TNRC6C: variants seen among roughly 807,000 people sequenced by gnomAD.
TNRC6C encodes the protein trinucleotide repeat containing adaptor 6C, also known as trinucleotide repeat-containing gene 6C protein.
In TNRC6C, 20 loss-of-function variants were observed where a neutral mutation model predicts 153.7. The ratio of observed to expected loss-of-function variants is 0.13; its 90% CI spans 0.09 to 0.19. The LOEUF (loss-of-function observed/expected upper bound fraction) is 0.19, where lower values mean the gene tolerates loss of function less well. TNRC6C is among the 10% of genes least tolerant of loss of function. TNRC6C has a pLI of 1.00. For missense variants in TNRC6C, 1,987 were observed against 2,172.0 expected (o/e 0.91, Z 1.69); for synonymous variants, 811 against 841.4 (o/e 0.96, Z 0.63).
At chr17:78,065,056 C>G (rs1567947344) in intron 4 of TNRC6C, 119 bp downstream of exon 6, 2 of 1,226,008 alleles carry the variant, frequency 1.6e-6, no homozygotes, top group Non-Finnish European at 2.3e-6. Context: ...TAACTACAAA[C>G]CAAGAGTCTT....
At chr17:78,077,197 G>A (rs775091296) in exon 9 of TNRC6C, 69 of 1,601,752 alleles carry the variant, frequency 4.3e-5, no homozygotes, top group Non-Finnish European at 5.1e-5. Context: ...TGGCGGCCTC[G>A]TGGAAGAGCC....
exon 3 of TNRC6C, chr17:78,048,915 C>T (rs533019689): frequency 1.1e-4 from 138 of 1,267,144 alleles, no homozygotes; most frequent in East Asian, 3.0e-4. Flanking sequence ...CTTACAGAAG[C>T]GAAGCCAACT....
chr17:77,984,612 AG>A (rs1482592361), intron 1 of TNRC6C, among the ~76,000 whole-genome samples: 1 of 152,224 alleles, frequency 6.6e-6, no homozygotes, highest in Non-Finnish European at 1.5e-5. Context: ...GAGCCCTGGC[AG>A]TGCTCACCTC....
At chr17:78,073,000 T>C (rs567885672) in intron 6 of TNRC6C, 37 bp from the exon 9 acceptor site, 10 of 1,469,272 alleles carry the variant, frequency 6.8e-6, no homozygotes, top group Non-Finnish European at 9.3e-6. Context: ...TTTTGTTAAT[T>C]AATGTGCACT....
intron 1 of TNRC6C, among the ~76,000 whole-genome samples, chr17:77,965,891 T>C (rs1490540364): frequency 3.3e-5 from 5 of 152,226 alleles, no homozygotes; most frequent in African/African-American, 9.7e-5. Flanking sequence ...CCCAAACTTA[T>C]GTGGCCATTG....
chr17:78,050,607 C>A, exon 3 of TNRC6C: 1 of 1,581,306 alleles, frequency 6.3e-7, no homozygotes, highest in Non-Finnish European at 8.6e-7. Context: ...CGCCACCTGC[C>A]GCTGTGCCAG....
At chr17:77,993,521 C>T (rs894645649) in intron 1 of TNRC6C, among the ~76,000 whole-genome samples, 1 of 152,184 alleles carries the variant, frequency 6.6e-6, no homozygotes, top group Non-Finnish European at 1.5e-5. Context: ...AAGTATGGGA[C>T]TATGCAGCTC....
At chr17:78,015,382 G>A (rs1192331112) in intron 1 of TNRC6C, among the ~76,000 whole-genome samples, 1 of 152,166 alleles carries the variant, frequency 6.6e-6, no homozygotes, top group African/African-American at 2.4e-5. Flanking sequence ...GTGTTAAAAT[G>A]TGTGGGTTAA....
chr17:78,104,686 G>A lies in TNRC6C; in HGVS notation c.4914G>A (p.Leu1638=). The stretch of plus-strand genomic sequence containing the variant: ...CTGGCCACTGGAACGCCCCGTGCCT[G>A]GGTGGCAAGGGGAGCAGTGAGCTGC... The change falls in exon 20 of 20, where the codon CTG becomes CTA. Residue 1638 remains leucine (L), a synonymous_variant. Coordinates refer to ENST00000301624, the Ensembl canonical transcript of TNRC6C. The surrounding 1 kb of genome is among the most constrained non-coding windows in gnomAD (Gnocchi z 6.2). 9.7e-6 allele frequency: 15 copies of A among 1,541,404 alleles called. No individual in the cohort carries two copies. The highest frequency in any genetic ancestry group is 1.3e-5 in the Non-Finnish European group (15 of 1,146,132).
In TNRC6C at chr17:78,075,132, C is replaced by G; in HGVS notation, c.2918-4C>G. 2.5e-6 allele frequency: 4 copies of G among 1,613,138 alleles called. No individual in the cohort carries two copies. The highest frequency in any genetic ancestry group is 3.4e-6 in the Non-Finnish European group (4 of 1,179,536). On this transcript the variant is annotated splice_region_variant and splice_polypyrimidine_tract_variant and intron_variant, in intron 7 of 19. Transcript: ENST00000301624. This position sits in a 1 kb window ranked among gnomAD's most constrained non-coding sequence, Gnocchi z 4.2. ...CAACATTGCTTCTGTTTGTTGTGCT[C>G]CAGGCGCTCTGCTGGAAAAGAAGGT...
intron 1 of TNRC6C, among the ~76,000 whole-genome samples, chr17:78,022,609 A>G (rs1231811663): frequency 6.6e-6 from 1 of 152,216 alleles, no homozygotes; most frequent in African/African-American, 2.4e-5. Flanking sequence ...GAGTCTGTGC[A>G]GATGAGGGTG....
At chr17:78,024,122 C>A (rs2071888913) in intron 1 of TNRC6C, among the ~76,000 whole-genome samples, 1 of 151,970 alleles carries the variant, frequency 6.6e-6, no homozygotes, top group Non-Finnish European at 1.5e-5. Flanking sequence ...AACAAAAAAA[C>A]CTTTTGAGGC....
chr17:78,099,563 C>T (rs1358841366), intron 17 of TNRC6C, among the ~76,000 whole-genome samples: 3 of 152,152 alleles, frequency 2.0e-5, no homozygotes, highest in Non-Finnish European at 4.4e-5. Flanking sequence ...CTCACTATCA[C>T]GAGAACAGCA....
rs114242447 is a variant in TNRC6C, at chr17:78,039,062, C to G, written c.-219+7220C>G. ...AGCTCTTTACTGACGACTGAATGCT[C>G]TGCATTTGTCCTCTGCCCAGTGGCA... On this transcript the variant is annotated intron_variant, in intron 2 of 19. Coordinates refer to ENST00000301624, the Ensembl canonical transcript of TNRC6C. 8.6e-3 allele frequency among the ~76,000 whole-genome samples: 1,314 copies of G among 152,354 alleles called. 21 individuals carry two copies. The highest frequency in any genetic ancestry group is 0.029 in the African/African-American group (1,218 of 41,584).
chr17:78,094,129 G>A (rs982766886), intron 16 of TNRC6C, among the ~76,000 whole-genome samples: 1 of 151,852 alleles, frequency 6.6e-6, no homozygotes, highest in African/African-American at 2.4e-5. Context: ...ACAGGCATGT[G>A]TGCCACCATA....
intron 11 of TNRC6C, 30 bp downstream of exon 13, chr17:78,083,196 C>G (rs1410547419): frequency 6.2e-7 from 1 of 1,612,484 alleles, no homozygotes; most frequent in South Asian, 1.1e-5. Flanking sequence ...CAAGTTAGAG[C>G]ACGCAGGCCG....
intron 1 of TNRC6C, among the ~76,000 whole-genome samples, chr17:78,014,074 G>A (rs2071685093): frequency 6.6e-6 from 1 of 152,140 alleles, no homozygotes; most frequent in African/African-American, 2.4e-5. Flanking sequence ...CTGCACTTTT[G>A]GAGAGAAAAT....
intron 1 of TNRC6C, among the ~76,000 whole-genome samples, chr17:77,979,706 A>T (rs530634429): frequency 6.6e-6 from 1 of 152,304 alleles, no homozygotes; most frequent in South Asian, 2.1e-4. Flanking sequence ...ACTAATACAG[A>T]CTTGCATATT....
intron 13 of TNRC6C, 57 bp from the exon 16 acceptor site, chr17:78,091,383 T>C: frequency 4.7e-6 from 7 of 1,475,226 alleles, no homozygotes; most frequent in Non-Finnish European, 6.3e-6. Flanking sequence ...ATAGGAGAGC[T>C]TTAGAATGAA....
Sources: allele counts gnomAD v4.1 joint callset (sites outside exome capture counted in the v4.1 genomes callset), GRCh38; gene constraint gnomAD v4.1.1; non-coding constraint Gnocchi (gnomAD v3.1); transcripts MANE v1.5; gene names NCBI Gene and HGNC (gene_info 2026-07-23, HGNC 2026-07-21).